Variants in CLASP1 observed in about 807,000 individuals in gnomAD.
CLASP1 encodes cytoplasmic linker associated protein 1.
A neutral mutation model predicts 192.3 loss-of-function variants in CLASP1; 38 were observed. The observed-to-expected ratio is 0.20, with a 90% CI of 0.15 to 0.26. CLASP1 has a LOEUF of 0.26. Among genes scored for constraint, CLASP1 ranks in the 10% least tolerant of loss-of-function variants. The probability of loss-of-function intolerance (pLI) is 1.00; values close to 1 mark genes in which losing one functional copy is unlikely to be tolerated. For synonymous variants in CLASP1, 691 were observed against 712.8 expected, an observed-to-expected ratio of 0.97 and a Z score of 0.49; for missense variants, 1,433 against 1,932.5, an observed-to-expected ratio of 0.74 and a Z score of 4.85.
At chr2:121,406,392 T>A (rs1054080973) in intron 25 of CLASP1, among the ~76,000 whole-genome samples, 1 of 152,182 alleles carries the variant, frequency 6.6e-6, no homozygotes, top group African/African-American at 2.4e-5. Context: ...TATATGCACA[T>A]GCATATCAAA....
At chr2:121,581,016 C>T (rs1041219040) in intron 2 of CLASP1, among the ~76,000 whole-genome samples, 1 of 152,162 alleles carries the variant, frequency 6.6e-6, no homozygotes, top group Non-Finnish European at 1.5e-5. Flanking sequence ...CTATCTTAAA[C>T]GTGCAATCAG....
intron 20 of CLASP1, 132 bp from the exon 21 acceptor site, chr2:121,427,562 C>T: frequency 2.3e-6 from 2 of 863,146 alleles, no homozygotes; most frequent in South Asian, 3.1e-5. Flanking sequence ...AGCTATATTT[C>T]CTAGGACTTG....
At chr2:121,617,998 A>C (rs990788879) in intron 1 of CLASP1, among the ~76,000 whole-genome samples, 5 of 152,158 alleles carry the variant, frequency 3.3e-5, no homozygotes, top group African/African-American at 1.2e-4. Context: ...TGGCCCGGCT[A>C]TTCTTTTTCA....
At chr2:121,642,955 A>T (rs2072423111) in intron 1 of CLASP1, among the ~76,000 whole-genome samples, 1 of 152,184 alleles carries the variant, frequency 6.6e-6, no homozygotes, top group South Asian at 2.1e-4. Flanking sequence ...GTTTTCCTCC[A>T]CTGGTCTCTC....
intron 28 of CLASP1, 81 bp downstream of exon 29, chr2:121,401,428 A>G: frequency 9.1e-7 from 1 of 1,104,138 alleles, no homozygotes; most frequent in Non-Finnish European, 1.3e-6. Flanking sequence ...GACAAAGGCC[A>G]TGGGTAACAA....
At chr2:121,410,951 T>C (rs201334614) in exon 24 of CLASP1, 92 of 1,609,258 alleles carry the variant, frequency 5.7e-5, no homozygotes, top group Non-Finnish European at 7.0e-5. Context: ...TCTTCCTGGC[T>C]GGCCAAGCCC....
Position 121,530,942 on chromosome 2 carries a change from A to G in CLASP1, c.196-617T>C, listed in dbSNP as rs978736477. On this transcript the variant is annotated intron_variant, in intron 2 of 39. Coordinates refer to ENST00000263710, the Ensembl canonical transcript of CLASP1. ...AGCGCATAGTGAGGGCAGTACTGCT[A>G]ACGCCTGAACAACACACCCGCATCA... The G allele has an allele frequency of 2.6e-5, 18 of 700,302 alleles. No individual in the cohort carries two copies. The highest frequency in any genetic ancestry group is 8.0e-5 in the Admixed American group (4 of 49,998). 43.4% of individuals were successfully genotyped at this position (700,302 alleles called of 1,614,324 possible). A position where few individuals can be genotyped will look rare whatever the true frequency, so the allele number is the denominator to read the frequency against.
intron 2 of CLASP1, among the ~76,000 whole-genome samples, chr2:121,597,566 C>G (rs977106769): frequency 6.6e-6 from 1 of 152,156 alleles, no homozygotes; most frequent in African/African-American, 2.4e-5. Flanking sequence ...GAAACATAGC[C>G]TAGCCAGGTA....
At chr2:121,452,391 GCATCCTTCTATTTAAGCCTTTTCA>G (rs1227165820) in intron 14 of CLASP1, among the ~76,000 whole-genome samples, 29 of 152,242 alleles carry the variant, frequency 1.9e-4, no homozygotes, top group African/African-American at 6.7e-4. Flanking sequence ...GGATGTTTCA[GCATCCTTCTATTTAAGCCTTTTCA>G]CTTTTATGAT....
In CLASP1 at chr2:121,634,940, A is replaced by C. The variant is rs557232981; in HGVS notation, c.-286+14432T>G. Reference sequence around the variant, plus strand: ...ATACATACCAGCCCAACTTCTCCATAAAGAAGGATGGAGATAGCAAAAGAT... The same window carrying C: ...ATACATACCAGCCCAACTTCTCCATCAAGAAGGATGGAGATAGCAAAAGAT... On this transcript the variant is annotated intron_variant, in intron 1 of 39. Coordinates refer to ENST00000263710, the Ensembl canonical transcript of CLASP1. 6.6e-5 allele frequency among the ~76,000 whole-genome samples: 10 copies of C among 152,330 alleles called. No individual in the cohort carries two copies. In the South Asian group the frequency reaches 2.1e-3, roughly 32 times the overall value.
intron 1 of CLASP1, among the ~76,000 whole-genome samples, chr2:121,610,781 A>ACGAGTT (rs1449216311): frequency 1.5e-5 from 2 of 133,944 alleles, no homozygotes; most frequent in African/African-American, 3.0e-5. Context: ...CTGGAGGAGG[A>ACGAGTT]GGAAGAGTTA....
At chr2:121,451,827 A>T (rs761103080) in exon 15 of CLASP1, 1 of 1,572,028 alleles carries the variant, frequency 6.4e-7, no homozygotes, top group Non-Finnish European at 8.6e-7. Context: ...TGTAAAAGCA[A>T]ATCTAAAAAT....
At chr2:121,447,997 G>T (rs1449966259) in intron 18 of CLASP1, among the ~76,000 whole-genome samples, 3 of 152,212 alleles carry the variant, frequency 2.0e-5, no homozygotes, top group Admixed American at 2.0e-4. Flanking sequence ...GAGACAGGAG[G>T]TACAGTTTGT....
chr2:121,626,777 C>T (rs2068452911), intron 1 of CLASP1, among the ~76,000 whole-genome samples: 1 of 152,144 alleles, frequency 6.6e-6, no homozygotes, highest in South Asian at 2.1e-4. Flanking sequence ...GCTATTTTCA[C>T]CAAAATGCAG....
intron 8 of CLASP1, among the ~76,000 whole-genome samples, chr2:121,474,709 G>A (rs567156477): frequency 7.2e-5 from 11 of 152,214 alleles, no homozygotes; most frequent in South Asian, 2.1e-4. Context: ...GCCCTCCAGC[G>A]TGGGTGACAG....
At chr2:121,564,758 CA>C (rs1448124627) in intron 2 of CLASP1, among the ~76,000 whole-genome samples, 5 of 152,076 alleles carry the variant, frequency 3.3e-5, no homozygotes, top group Non-Finnish European at 1.5e-5. Flanking sequence ...CAGCCATCAG[CA>C]AATAAATTTT....
intron 2 of CLASP1, 39 bp downstream of exon 2, chr2:121,605,662 C>T (rs1481304468): frequency 5.8e-6 from 9 of 1,550,998 alleles, no homozygotes; most frequent in Non-Finnish European, 7.1e-6. Flanking sequence ...CCAGTGCAGC[C>T]CAGCCACCTC....
rs182411312 is a variant in CLASP1, at chr2:121,405,876, G to A, written c.2670-1442C>T. Among the ~76,000 whole-genome samples the A allele has an allele frequency of 2.6e-5, 4 of 152,292 alleles. No homozygotes were observed. In the East Asian group the frequency reaches 5.8e-4, roughly 22 times the overall value. On this transcript the variant is annotated intron_variant, in intron 25 of 39. Coordinates refer to ENST00000263710, the Ensembl canonical transcript of CLASP1. ...AAATAATAGGGGCAGGTATGAGTAC[G>A]GGAGGGTGGAGTCAGGCTGCCTGAA...
chr2:121,375,361 A>ATTTTT (rs34714381), intron 34 of CLASP1, among the ~76,000 whole-genome samples: 19 of 116,954 alleles, frequency 1.6e-4, no homozygotes, highest in African/African-American at 2.3e-4. Flanking sequence ...CTAGTTTCTG[A>ATTTTT]TTTTTTTTTT....
Sources: gnomAD v4.1 joint callset for allele counts (sites outside exome capture counted in the v4.1 genomes callset) on GRCh38, gnomAD v4.1.1 for gene constraint, MANE v1.5 for transcripts, NCBI Gene and HGNC (gene_info 2026-07-23, HGNC 2026-07-21) for gene names.